Variants in SRPK2 observed in about 807,000 individuals in gnomAD.
SRPK2 encodes the protein SRSF protein kinase 2.
SRPK2 carries 21 observed loss-of-function variants against 90.8 expected under a neutral mutation model. That is an observed-to-expected ratio of 0.23 (90% CI 0.16 to 0.33). The LOEUF is 0.33. Ranked by LOEUF, SRPK2 falls within the 10% of genes least tolerant of loss-of-function variation. The probability of loss-of-function intolerance (pLI) is 1.00; values close to 1 mark genes in which losing one functional copy is unlikely to be tolerated. For synonymous variants in SRPK2, 288 were observed against 311.1 expected, an observed-to-expected ratio of 0.93 and a Z score of 0.78; for missense variants, 620 against 869.0, an observed-to-expected ratio of 0.71 and a Z score of 3.60.
chr7:105,357,893 G>C (rs181541965), intron 2 of SRPK2, among the ~76,000 whole-genome samples: 4 of 152,194 alleles, frequency 2.6e-5, no homozygotes, highest in Admixed American at 1.3e-4. Context: ...GAACAACGCA[G>C]GGATTAGGGA....
intron 2 of SRPK2, among the ~76,000 whole-genome samples, chr7:105,260,330 G>A (rs1358600038): frequency 6.6e-6 from 1 of 152,170 alleles, no homozygotes; most frequent in Non-Finnish European, 1.5e-5. Context: ...AAACCACAAT[G>A]AGATACCATC....
At chr7:105,372,772 C>G (rs1318935243) in intron 2 of SRPK2, among the ~76,000 whole-genome samples, 1 of 152,014 alleles carries the variant, frequency 6.6e-6, no homozygotes. Flanking sequence ...TCTTTGCAAA[C>G]AGAATACAAG....
In SRPK2 at chr7:105,292,273, C is replaced by T. The variant is rs533831838; in HGVS notation, c.72-88488G>A. Among the ~76,000 whole-genome samples the T allele has an allele frequency of 2.6e-4, 39 of 152,124 alleles. No individual in the cohort carries two copies. In the South Asian group the frequency reaches 6.0e-3, roughly 23 times the overall value. On this transcript the variant is annotated intron_variant, in intron 2 of 15. Transcript: ENST00000393651. ...TGTAATTCCCAGCACTTTGGGAGGC[C>T]GAGGCGGGCCAATCATCTGAGGTCA...
At chr7:105,389,240 G>A (rs186609024), upstream of SRPK2, 14,141 of 1,250,074 alleles carry the variant, frequency 0.011, 99 homozygotes, top group Non-Finnish European at 0.012. Flanking sequence ...TCTCCCCTCC[G>A]CACCCCGGCC....
At chr7:105,298,904 T>C (rs1810187476) in intron 2 of SRPK2, 5 of 512,288 alleles carry the variant, frequency 9.8e-6, no homozygotes, top group Non-Finnish European at 1.3e-5. Context: ...TCTGTTCAGC[T>C]CAGTTAGCAC....
intron 2 of SRPK2, among the ~76,000 whole-genome samples, chr7:105,329,298 T>C (rs1158648357): frequency 6.6e-6 from 1 of 152,098 alleles, no homozygotes; most frequent in African/African-American, 2.4e-5. Context: ...CATGTACTAA[T>C]GTGGATGGAT....
intron 3 of SRPK2, among the ~76,000 whole-genome samples, chr7:105,170,480 G>A (rs1331006915): frequency 3.3e-5 from 5 of 151,772 alleles, no homozygotes; most frequent in Non-Finnish European, 7.4e-5. Context: ...ATCACCTGAG[G>A]TCTGGAGTTC....
intron 3 of SRPK2, among the ~76,000 whole-genome samples, chr7:105,201,221 A>ATACCACAAAATTCAAAGTAGGGCATCTG (rs1216394777): frequency 6.6e-6 from 1 of 152,198 alleles, no homozygotes; most frequent in Non-Finnish European, 1.5e-5. Flanking sequence ...GTTGTGGAAT[A>ATACCACAAAATTCAAAGTAGGGCATCTG]TACCACAAAA....
chr7:105,379,422 G>A (rs1339122053), intron 2 of SRPK2, among the ~76,000 whole-genome samples: 1 of 151,960 alleles, frequency 6.6e-6, no homozygotes, highest in Non-Finnish European at 1.5e-5. Flanking sequence ...TTATTTGAGG[G>A]TGTCCCAGAA....
intron 2 of SRPK2, among the ~76,000 whole-genome samples, chr7:105,272,989 C>G (rs559732185): frequency 6.6e-6 from 1 of 152,052 alleles, no homozygotes; most frequent in Admixed American, 6.5e-5. Context: ...CTGAGGTAGG[C>G]AAATCACGAA....
At chr7:105,216,870 T>C (rs939004861) in intron 2 of SRPK2, among the ~76,000 whole-genome samples, 1 of 152,164 alleles carries the variant, frequency 6.6e-6, no homozygotes, top group Non-Finnish European at 1.5e-5. Flanking sequence ...CCAGTGACCA[T>C]TTCTCTAGGC....
chr7:105,280,171 T>C (rs867156269), intron 2 of SRPK2, among the ~76,000 whole-genome samples: 1 of 152,102 alleles, frequency 6.6e-6, no homozygotes, highest in Non-Finnish European at 1.5e-5. Flanking sequence ...CCCCAGTACT[T>C]TGGGAGGCTG....
At position 105,371,857 on chromosome 7, in the gene SRPK2, G is replaced by A. The variant is rs147367603; in HGVS notation, c.71+16791C>T. Among the ~76,000 whole-genome samples the A allele has an allele frequency of 9.6e-4, 146 of 152,132 alleles. No homozygotes were observed. The Middle Eastern group carries it at 0.021, about 21-fold the overall frequency. ...AATTAAAAAATATGTTCCCTGGGCC[G>A]GGCACAGTGGCTCACACTTATAATT... is the stretch of plus-strand genomic sequence containing the variant. On this transcript the variant is annotated intron_variant, in intron 2 of 15. Transcript: ENST00000393651.
chr7:105,341,193 A>G (rs1417573249), intron 2 of SRPK2, among the ~76,000 whole-genome samples: 1 of 151,524 alleles, frequency 6.6e-6, no homozygotes, highest in Non-Finnish European at 1.5e-5. Context: ...GTGAAACCCC[A>G]TCTCTACTAA....
rs2129617656 is a variant in SRPK2, at chr7:105,224,507, G to T, written c.72-20722C>A. ...GCCAGTAATCCCAGCTACTTGGGAG[G>T]CTGAGGCAGGAGAATCACTTGAACT... is the stretch of plus-strand genomic sequence containing the variant. On this transcript the variant is annotated intron_variant, in intron 2 of 15. Coordinates refer to ENST00000393651, the MANE Select transcript of SRPK2 (RefSeq NM_182692.3). Among the ~76,000 whole-genome samples the T allele has an allele frequency of 2.0e-5, 3 of 152,296 alleles. No homozygotes were observed. In the Middle Eastern group the frequency reaches 0.01, roughly 518 times the overall value.
chr7:105,379,245 GTAAA>G, intron 2 of SRPK2, among the ~76,000 whole-genome samples: 1 of 151,486 alleles, frequency 6.6e-6, no homozygotes, highest in African/African-American at 2.4e-5. Flanking sequence ...ACAATCAAAA[GTAAA>G]TAAATAATAA....
intron 7 of SRPK2, among the ~76,000 whole-genome samples, chr7:105,153,160 C>G (rs1187497679): frequency 2.6e-5 from 4 of 152,128 alleles, no homozygotes; most frequent in Admixed American, 2.6e-4. Context: ...AATCATCCCA[C>G]TCAGGGAGCC....
chr7:105,365,664 T>C (rs1380730165), intron 2 of SRPK2, among the ~76,000 whole-genome samples: 1 of 151,564 alleles, frequency 6.6e-6, no homozygotes, highest in Non-Finnish European at 1.5e-5. Context: ...CTGGGCGTGG[T>C]GGCGTGTACC....
intron 13 of SRPK2, among the ~76,000 whole-genome samples, chr7:105,129,646 A>G (rs910493776): frequency 1.3e-5 from 2 of 152,194 alleles, no homozygotes; most frequent in Non-Finnish European, 2.9e-5. Context: ...AAGTGCTGGG[A>G]TTACAGGTGT....
Sources: gnomAD v4.1 joint callset for allele counts (sites outside exome capture counted in the v4.1 genomes callset) on GRCh38, gnomAD v4.1.1 for gene constraint, MANE v1.5 for transcripts, NCBI Gene and HGNC (gene_info 2026-07-23, HGNC 2026-07-21) for gene names.